Variants in TMEM131L observed in about 807,000 individuals in gnomAD.
The protein encoded by TMEM131L is transmembrane 131 like.
A neutral mutation model predicts 192.2 loss-of-function variants in TMEM131L; 54 were observed. The observed-to-expected ratio is 0.28, with a 90% confidence interval of 0.23 to 0.35. TMEM131L has a LOEUF of 0.35. TMEM131L is among the 10% of genes least tolerant of loss of function. TMEM131L has a pLI of 1.00. For missense variants in TMEM131L, 1,888 were observed against 1,972.9 expected (o/e 0.96, Z 0.82); for synonymous variants, 701 against 704.9 (o/e 0.99, Z 0.09).
chr4:153,608,200 C>T (rs1482601725), intron 25 of TMEM131L, among the ~76,000 whole-genome samples: 1 of 152,138 alleles, frequency 6.6e-6, no homozygotes, highest in East Asian at 1.9e-4. Context: ...TTCGGAGAGG[C>T]CTGTAGTAAA....
rs1379369817 is a variant in TMEM131L, at chr4:153,555,322, C to T, written c.309-465C>T. 1.3e-5 allele frequency among the ~76,000 whole-genome samples: 2 copies of T among 152,140 alleles called. No individual in the cohort carries two copies. Among genetic ancestry groups the T allele is most frequent in the African/African-American group, 4.8e-5 (2 of 41,432 alleles). ...GAAAAATTGGGTTTTTCTGTGAGTA[C>T]AGTTTCTTACCTAAACATATTTTCG... On this transcript the variant is annotated intron_variant, in intron 4 of 34. Transcript: ENST00000409959. This position sits in a 1 kb window ranked among gnomAD's most constrained non-coding sequence, Gnocchi z 4.1.
intron 3 of TMEM131L, among the ~76,000 whole-genome samples, chr4:153,507,236 C>T (rs1009006868): frequency 6.6e-6 from 1 of 152,142 alleles, no homozygotes; most frequent in African/African-American, 2.4e-5. Context: ...ATCTGCCTGT[C>T]TTCATCAGTC....
At chr4:153,496,054 A>G (rs982576242) in intron 3 of TMEM131L, among the ~76,000 whole-genome samples, 6 of 152,198 alleles carry the variant, frequency 3.9e-5, no homozygotes, top group Non-Finnish European at 7.3e-5. Context: ...CCGAATGCCA[A>G]GCTAGCCCCT....
At position 153,603,775 on chromosome 4, in the gene TMEM131L, GC is replaced by G. The variant is rs748110741; in HGVS notation, c.2790-26del. Reference sequence around the variant, plus strand: ...AGAGTTTGATTTGATTTGCCTCTATGCTAAATGTTTTTCTTCTTAAATTCAG... The same window carrying G: ...AGAGTTTGATTTGATTTGCCTCTATGTAAATGTTTTTCTTCTTAAATTCAG... On this transcript the variant is annotated intron_variant, in intron 24 of 34. Coordinates refer to ENST00000409959, the MANE Select transcript of TMEM131L (RefSeq NM_001131007.2). 89 of 1,554,234 alleles carry G rather than the reference GC, an allele frequency of 5.7e-5. No homozygotes were observed. In the East Asian group the frequency reaches 2.0e-3, roughly 35 times the overall value.
intron 3 of TMEM131L, among the ~76,000 whole-genome samples, chr4:153,484,757 C>T (rs1732196128): frequency 1.4e-5 from 2 of 146,866 alleles, no homozygotes; most frequent in South Asian, 2.2e-4. Flanking sequence ...CGTGAGCCAC[C>T]GTGCCCGGCC....
At position 153,626,188 on chromosome 4, in the gene TMEM131L, A is replaced by T; in HGVS notation, c.4087A>T (p.Ile1363Phe). The T allele has an allele frequency of 6.2e-7, 1 of 1,612,232 alleles. No homozygotes were observed. The highest frequency in any genetic ancestry group is 8.5e-7 in the Non-Finnish European group (1 of 1,178,474). The change falls in exon 30 of 35, where the codon ATC (isoleucine) becomes TTC (phenylalanine). Residue 1363 changes from isoleucine (I) to phenylalanine (F), a missense_variant. By Grantham distance (21) the Ile-to-Phe change is conservative. Coordinates refer to ENST00000409959, the MANE Select transcript of TMEM131L (RefSeq NM_001131007.2). ...AAATGATTTTCCTTCTGAAGCTCCC[A>T]TCTCCTTGAATCTTTCTCATAACAT... is the stretch of plus-strand genomic sequence containing the variant. Reference protein sequence around the residue: ...SQNDFPSEAPISLNLSHNICN... With the variant: ...SQNDFPSEAPFSLNLSHNICN...
intron 4 of TMEM131L, among the ~76,000 whole-genome samples, chr4:153,552,642 G>T (rs895008878): frequency 6.6e-6 from 1 of 152,144 alleles, no homozygotes; most frequent in Non-Finnish European, 1.5e-5. Context: ...ACCAGCCTGC[G>T]CAACACTGTG....
intron 3 of TMEM131L, among the ~76,000 whole-genome samples, chr4:153,498,156 G>A (rs1401998647): frequency 6.6e-6 from 1 of 152,192 alleles, no homozygotes; most frequent in East Asian, 1.9e-4. Flanking sequence ...TGGAAAATGA[G>A]CAGCTTGCTT....
intron 23 of TMEM131L, 94 bp downstream of exon 23, chr4:153,602,821 G>A (rs939959237): frequency 1.8e-6 from 2 of 1,087,534 alleles, no homozygotes; most frequent in African/African-American, 1.6e-5. Flanking sequence ...TGTAGTCAAA[G>A]TATATGAATT....
At chr4:153,557,698 T>G (rs1728568053) in intron 6 of TMEM131L, among the ~76,000 whole-genome samples, 1 of 152,254 alleles carries the variant, frequency 6.6e-6, no homozygotes, top group Non-Finnish European at 1.5e-5. Context: ...TCTTACTGGA[T>G]TCCATTAAAG....
At chr4:153,495,579 T>C (rs1165593231) in intron 3 of TMEM131L, among the ~76,000 whole-genome samples, 1 of 152,190 alleles carries the variant, frequency 6.6e-6, no homozygotes, top group Non-Finnish European at 1.5e-5. Flanking sequence ...TCTGCCTCAG[T>C]GAATGCATTT....
intron 3 of TMEM131L, among the ~76,000 whole-genome samples, chr4:153,533,890 T>C (rs1376538437): frequency 6.6e-6 from 1 of 152,256 alleles, no homozygotes; most frequent in Non-Finnish European, 1.5e-5. Context: ...AGACCCGATA[T>C]ATTTTTTAAG....
At chr4:153,605,452 C>A (rs1732159402) in intron 25 of TMEM131L, among the ~76,000 whole-genome samples, 1 of 152,258 alleles carries the variant, frequency 6.6e-6, no homozygotes, top group South Asian at 2.1e-4. Context: ...ACTGCAACCT[C>A]CACCTCCGGG....
chr4:153,527,177 T>G (rs1216132250), intron 3 of TMEM131L, among the ~76,000 whole-genome samples: 1 of 152,186 alleles, frequency 6.6e-6, no homozygotes, highest in Admixed American at 6.5e-5. Context: ...CAGGTACTTG[T>G]GACTGACAAT....
chr4:153,594,929 A>T (rs1029605856), intron 19 of TMEM131L, among the ~76,000 whole-genome samples: 1 of 152,194 alleles, frequency 6.6e-6, no homozygotes, highest in African/African-American at 2.4e-5. Context: ...CCTCACTGGT[A>T]TTGAATCATG....
rs567156715 is a variant in TMEM131L, at chr4:153,514,917, A to G, written c.240-35156A>G. Among the ~76,000 whole-genome samples, 215 of 152,028 alleles carry G rather than the reference A, an allele frequency of 1.4e-3. 1 individual carries two copies. The highest frequency in any genetic ancestry group is 4.8e-3 in the African/African-American group (198 of 41,480). ...AACTTCCGCCTCCTGGGTTCAAGCA[A>G]TTCTCTGCCTCGGCCTCCCGGATAG... On this transcript the variant is annotated intron_variant, in intron 3 of 34. Coordinates refer to ENST00000409959, the MANE Select transcript of TMEM131L (RefSeq NM_001131007.2).
At chr4:153,502,949 CAA>C (rs1733715022) in intron 3 of TMEM131L, among the ~76,000 whole-genome samples, 1 of 148,426 alleles carries the variant, frequency 6.7e-6, no homozygotes, top group South Asian at 2.2e-4. Flanking sequence ...CCAATTACTG[CAA>C]AGTCTCATTT....
chr4:153,536,586 T>C (rs1386546345), intron 3 of TMEM131L, among the ~76,000 whole-genome samples: 1 of 152,172 alleles, frequency 6.6e-6, no homozygotes, highest in East Asian at 1.9e-4. Flanking sequence ...CAAAACTCTT[T>C]ACAAACACAT....
At chr4:153,500,841 T>A (rs995138166) in intron 3 of TMEM131L, among the ~76,000 whole-genome samples, 2 of 152,184 alleles carry the variant, frequency 1.3e-5, no homozygotes, top group Non-Finnish European at 2.9e-5. Flanking sequence ...ATGTGCACTT[T>A]TTTCCTAGTT....
Sources: gnomAD v4.1 joint callset for allele counts (sites outside exome capture counted in the v4.1 genomes callset) on GRCh38, gnomAD v4.1.1 for gene constraint, Gnocchi (gnomAD v3.1) non-coding constraint, MANE v1.5 for transcripts, NCBI Gene and HGNC (gene_info 2026-07-23, HGNC 2026-07-21) for gene names.